Variants in ARB2A observed in about 807,000 individuals in gnomAD.
The protein encoded by ARB2A is cotranscriptional regulator ARB2A.
chr5:93,912,029 GAA>G, the ARB2A span, among the ~76,000 whole-genome samples: 1 of 151,694 alleles, frequency 6.6e-6, no homozygotes, highest in Non-Finnish European at 1.5e-5. Context: ...AAGTCGAAAT[GAA>G]GAGAAATTTC....
the ARB2A span, chr5:93,619,326 T>C: frequency 6.6e-6 from 1 of 152,230 alleles, no homozygotes; most frequent in Non-Finnish European, 1.5e-5. Flanking sequence ...CGAAAATATA[T>C]GCATACCTGA....
the ARB2A span, among the ~76,000 whole-genome samples, chr5:93,671,061 AATG>A: frequency 6.6e-6 from 1 of 152,204 alleles, no homozygotes; most frequent in African/African-American, 2.4e-5. Context: ...TGCACTTGAA[AATG>A]ATGAATTGTT....
chr5:93,817,025 A>T, the ARB2A span, among the ~76,000 whole-genome samples: 1 of 152,028 alleles, frequency 6.6e-6, no homozygotes, highest in Non-Finnish European at 1.5e-5. Context: ...GGAAGAAGTA[A>T]AACTATCTGT....
At chr5:93,620,631 G>A in the ARB2A span, 1 of 192,926 alleles carries the variant, frequency 5.2e-6, no homozygotes. Context: ...CGCTACGGCG[G>A]GCGCTAGGAC....
chr5:93,714,662 C>T, the ARB2A span, among the ~76,000 whole-genome samples: 2 of 152,092 alleles, frequency 1.3e-5, no homozygotes, highest in Non-Finnish European at 2.9e-5. Context: ...AGATTCTACC[C>T]TTCAGAATTT....
At chr5:93,824,306 C>T in the ARB2A span, 1 of 1,430,322 alleles carries the variant, frequency 7.0e-7, no homozygotes, top group Non-Finnish European at 9.4e-7. Flanking sequence ...CATATTATAC[C>T]TAATTATTAT....
At chr5:93,974,003 T>C in the ARB2A span, among the ~76,000 whole-genome samples, 2 of 152,248 alleles carry the variant, frequency 1.3e-5, no homozygotes, top group East Asian at 1.9e-4. Context: ...GAGACTACCA[T>C]GCAACTAGCT....
the ARB2A span, among the ~76,000 whole-genome samples, chr5:93,670,360 T>C: frequency 1.2e-4 from 19 of 152,250 alleles, no homozygotes; most frequent in Admixed American, 9.2e-4. Context: ...CTAAGCAATG[T>C]GGCTTCTGCC....
the ARB2A span, among the ~76,000 whole-genome samples, chr5:94,006,863 C>T: frequency 6.6e-6 from 1 of 152,158 alleles, no homozygotes; most frequent in Non-Finnish European, 1.5e-5. Context: ...TATTTTATCA[C>T]TGTTTCTTCC....
the ARB2A span, among the ~76,000 whole-genome samples, chr5:93,693,949 T>C: frequency 6.6e-6 from 1 of 152,142 alleles, no homozygotes; most frequent in African/African-American, 2.4e-5. Context: ...AACCACATGA[T>C]TATCTCAATA....
At chr5:93,813,600 C>A in the ARB2A span, among the ~76,000 whole-genome samples, 1 of 151,958 alleles carries the variant, frequency 6.6e-6, no homozygotes, top group African/African-American at 2.4e-5. Context: ...ATCAAATATC[C>A]CAGCAGGAAA....
the ARB2A span, among the ~76,000 whole-genome samples, chr5:93,842,912 G>A: frequency 5.3e-5 from 8 of 152,284 alleles, no homozygotes; most frequent in Middle Eastern, 3.4e-3. Flanking sequence ...GTGACCATAT[G>A]CAAACTGAAT....
chr5:94,021,725 T>C, the ARB2A span, among the ~76,000 whole-genome samples: 1 of 152,200 alleles, frequency 6.6e-6, no homozygotes, highest in Non-Finnish European at 1.5e-5. Flanking sequence ...GGTATGGTTC[T>C]ACAGAAACTT....
At chr5:93,682,908 C>A in the ARB2A span, 603 of 1,555,714 alleles carry the variant, frequency 3.9e-4, no homozygotes, top group Non-Finnish European at 5.0e-4. Flanking sequence ...CAATTCTTCA[C>A]ATAATTGATG....
At chr5:93,623,391 T>C in the ARB2A span, among the ~76,000 whole-genome samples, 1 of 152,212 alleles carries the variant, frequency 6.6e-6, no homozygotes, top group Non-Finnish European at 1.5e-5. Flanking sequence ...TTTGTAAGCT[T>C]TCTCAGGGAA....
At chr5:93,882,623 G>A in the ARB2A span, among the ~76,000 whole-genome samples, 1 of 151,426 alleles carries the variant, frequency 6.6e-6, no homozygotes, top group East Asian at 1.9e-4. Flanking sequence ...AAAATATAGA[G>A]AGGGATAAAC....
the ARB2A span, among the ~76,000 whole-genome samples, chr5:93,629,350 G>A: frequency 7.9e-5 from 12 of 151,164 alleles, no homozygotes; most frequent in Non-Finnish European, 1.3e-4. Context: ...CTGAAATAGT[G>A]CAAGAATTGA....
chr5:93,632,832 A>G, the ARB2A span, among the ~76,000 whole-genome samples: 1 of 152,204 alleles, frequency 6.6e-6, no homozygotes, highest in Non-Finnish European at 1.5e-5. Context: ...TAGTAAAACA[A>G]TATTTGAAGG....
chr5:94,077,133 C>A, the ARB2A span, among the ~76,000 whole-genome samples: 1 of 151,556 alleles, frequency 6.6e-6, no homozygotes, highest in East Asian at 2.0e-4. Flanking sequence ...CCAGCACTTT[C>A]GGAGGCTGAG....
Sources: allele counts gnomAD v4.1 joint callset (sites outside exome capture counted in the v4.1 genomes callset), GRCh38; gene constraint gnomAD v4.1.1; transcripts MANE v1.5; gene names NCBI Gene and HGNC (gene_info 2026-07-23, HGNC 2026-07-21).